MACROD2: variants seen among roughly 807,000 people sequenced by gnomAD.
The protein encoded by MACROD2 is ADP-ribose glycohydrolase MACROD2.
A neutral mutation model predicts 70.4 loss-of-function variants in MACROD2; 36 were observed. That is an observed-to-expected ratio of 0.51 (90% CI 0.39 to 0.68). The LOEUF (loss-of-function observed/expected upper bound fraction) is 0.68, where lower values mean the gene tolerates loss of function less well. Among genes scored for constraint, MACROD2 ranks in the 30% least tolerant of loss-of-function variants. The pLI, the probability that MACROD2 is intolerant of heterozygous loss-of-function variation, is 0.00. For synonymous variants in MACROD2, 172 were observed against 178.8 expected (o/e 0.96, Z 0.30); for missense variants, 496 against 538.4 (o/e 0.92, Z 0.78).
intron 8 of MACROD2, among the ~76,000 whole-genome samples, chr20:15,839,425 C>T (rs537551960): frequency 3.5e-4 from 53 of 152,074 alleles, no homozygotes; most frequent in Non-Finnish European, 6.8e-4. Context: ...TGAAAGGTGA[C>T]GGAAGTGAGG....
intron 6 of MACROD2, among the ~76,000 whole-genome samples, chr20:15,234,280 C>A (rs1328060845): frequency 1.3e-5 from 2 of 150,398 alleles, no homozygotes; most frequent in Admixed American, 6.6e-5. Flanking sequence ...GATCCGCCCG[C>A]CTCGGCCTCC....
At chr20:14,204,139 G>A (rs1445084312) in intron 3 of MACROD2, among the ~76,000 whole-genome samples, 1 of 152,188 alleles carries the variant, frequency 6.6e-6, no homozygotes, top group African/African-American at 2.4e-5. Context: ...GCCACTGGAG[G>A]GGGTGGGGTT....
intron 3 of MACROD2, among the ~76,000 whole-genome samples, chr20:14,295,731 T>C (rs901868071): frequency 6.6e-6 from 1 of 151,940 alleles, no homozygotes; most frequent in Non-Finnish European, 1.5e-5. Flanking sequence ...TGATGTATTG[T>C]CATCTCACAA....
intron 5 of MACROD2, among the ~76,000 whole-genome samples, chr20:15,055,295 G>T (rs2075475628): frequency 6.6e-6 from 1 of 152,062 alleles, no homozygotes; most frequent in African/African-American, 2.4e-5. Context: ...AATTTTAAGG[G>T]CATGGTAATA....
intron 5 of MACROD2, among the ~76,000 whole-genome samples, chr20:15,100,478 G>A (rs113867551): frequency 1.1e-4 from 16 of 152,130 alleles, no homozygotes; most frequent in South Asian, 2.1e-4. Flanking sequence ...CTGGACTCCC[G>A]TACAACTGAA....
chr20:15,571,357 T>C (rs541903602), intron 8 of MACROD2, among the ~76,000 whole-genome samples: 2 of 152,248 alleles, frequency 1.3e-5, no homozygotes, highest in East Asian at 1.9e-4. Flanking sequence ...TTTTCTTTGG[T>C]TTATTTTACA....
chr20:14,079,787 A>G lies in MACROD2; in HGVS notation c.164-5834A>G, dbSNP rs182261444. 4.9e-4 allele frequency among the ~76,000 whole-genome samples: 74 copies of G among 152,316 alleles called. No individual in the cohort carries two copies. The East Asian group carries it at 5.2e-3, about 11-fold the overall frequency. ...AAGGCACAAAGACTTTATGGAGTCAATGCTTACAAAGTCCTCTTGGGAAAA... is the reference window on the plus strand; with the variant it reads ...AAGGCACAAAGACTTTATGGAGTCAGTGCTTACAAAGTCCTCTTGGGAAAA... On this transcript the variant is annotated intron_variant, in intron 2 of 17. Transcript: ENST00000684519.
At chr20:14,463,327 C>T (rs2084395421) in intron 3 of MACROD2, among the ~76,000 whole-genome samples, 4 of 151,928 alleles carry the variant, frequency 2.6e-5, no homozygotes, top group Admixed American at 2.6e-4. Flanking sequence ...CATGATTTGG[C>T]TCTCTGTTTG....
At chr20:15,060,400 C>T (rs897547742) in intron 5 of MACROD2, among the ~76,000 whole-genome samples, 7 of 152,142 alleles carry the variant, frequency 4.6e-5, no homozygotes, top group Non-Finnish European at 1.0e-4. Flanking sequence ...ACCTGCTTTC[C>T]CCGTTTACCA....
intron 4 of MACROD2, among the ~76,000 whole-genome samples, chr20:14,653,521 ATT>A (rs34531975): frequency 3.3e-4 from 45 of 137,448 alleles, no homozygotes; most frequent in African/African-American, 7.6e-4. Context: ...CCCGGCTGCA[ATT>A]TTTTTTTTTT....
intron 5 of MACROD2, among the ~76,000 whole-genome samples, chr20:14,985,447 T>A (rs774581363): frequency 1.3e-5 from 2 of 152,162 alleles, no homozygotes; most frequent in Non-Finnish European, 2.9e-5. Flanking sequence ...TCCATTGGCC[T>A]CCCTTTGATT....
At chr20:14,562,820 AGGAAAACCTTTCTCT>A (rs1316401083) in intron 4 of MACROD2, among the ~76,000 whole-genome samples, 7 of 151,710 alleles carry the variant, frequency 4.6e-5, no homozygotes, top group African/African-American at 1.7e-4. Flanking sequence ...GGGACTCTAG[AGGAAAACCTTTCTCT>A]GGATTTGTTG....
At chr20:15,649,260 T>G in intron 8 of MACROD2, among the ~76,000 whole-genome samples, 1 of 145,326 alleles carries the variant, frequency 6.9e-6, no homozygotes, top group East Asian at 2.1e-4. Flanking sequence ...TTTTTCAGTG[T>G]TCAAACATTT....
intron 2 of MACROD2, among the ~76,000 whole-genome samples, chr20:14,063,152 G>T (rs1362282945): frequency 6.6e-6 from 1 of 152,080 alleles, no homozygotes; most frequent in Non-Finnish European, 1.5e-5. Flanking sequence ...GGCTTAAATG[G>T]CTTTCAAAAA....
intron 4 of MACROD2, among the ~76,000 whole-genome samples, chr20:14,646,281 A>T (rs990439849): frequency 3.9e-5 from 6 of 151,974 alleles, no homozygotes; most frequent in Non-Finnish European, 8.8e-5. Context: ...AGTGTCAAAT[A>T]TTGAAGCAAT....
intron 12 of MACROD2, among the ~76,000 whole-genome samples, chr20:15,952,970 G>A (rs2147370707): frequency 6.6e-6 from 1 of 152,162 alleles, no homozygotes; most frequent in East Asian, 1.9e-4. Context: ...CATTTCTGTG[G>A]GGGTTTCTTT....
chr20:15,572,051 T>C (rs1393268032), intron 8 of MACROD2, among the ~76,000 whole-genome samples: 2 of 152,134 alleles, frequency 1.3e-5, no homozygotes, highest in East Asian at 3.8e-4. Flanking sequence ...CTTCACAGTA[T>C]TGAAAAAGGA....
At chr20:15,548,912 C>T (rs1277580223) in intron 8 of MACROD2, among the ~76,000 whole-genome samples, 1 of 152,184 alleles carries the variant, frequency 6.6e-6, no homozygotes, top group African/African-American at 2.4e-5. Flanking sequence ...AGCCAATAGC[C>T]AGCATCAACT....
At chr20:14,433,390 G>C (rs779020367) in intron 3 of MACROD2, among the ~76,000 whole-genome samples, 4 of 152,032 alleles carry the variant, frequency 2.6e-5, no homozygotes, top group Non-Finnish European at 5.9e-5. Flanking sequence ...TTTTTATTTT[G>C]CTTGACAACT....
Sources: allele counts gnomAD v4.1 joint callset (sites outside exome capture counted in the v4.1 genomes callset), GRCh38; gene constraint gnomAD v4.1.1; transcripts MANE v1.5; gene names NCBI Gene and HGNC (gene_info 2026-07-23, HGNC 2026-07-21).